Variants in FOXK1 observed in about 807,000 individuals in gnomAD.
The protein encoded by FOXK1 is forkhead box protein K1.
A neutral mutation model predicts 51.9 loss-of-function variants in FOXK1; 19 were observed. That is an observed-to-expected ratio of 0.37 (90% CI 0.26 to 0.54). The LOEUF is 0.54. Ranked by LOEUF, FOXK1 falls within the 20% of genes least tolerant of loss-of-function variation. The probability of loss-of-function intolerance (pLI) is 0.87; values close to 1 mark genes in which losing one functional copy is unlikely to be tolerated. For missense variants in FOXK1, 870 were observed against 1,032.7 expected (o/e 0.84, Z 2.16); for synonymous variants, 537 against 482.6 (o/e 1.11, Z -1.48).
In FOXK1 at chr7:4,761,851, G is replaced by T. The variant is rs927835540; in HGVS notation, c.1922-333G>T. Among the ~76,000 whole-genome samples the T allele has an allele frequency of 3.3e-5, 5 of 152,112 alleles. No homozygotes were observed. The highest frequency in any genetic ancestry group is 1.2e-4 in the African/African-American group (5 of 41,402). ...GCAAGGGTGCTGGGCGGGGGTGCAG[G>T]GTACCAGGGCACCGGGCGCATTGTC... On this transcript the variant is annotated intron_variant, in intron 8 of 8. Coordinates refer to ENST00000328914, the MANE Select transcript of FOXK1 (RefSeq NM_001037165.2). The surrounding 1 kb of genome is among the most constrained non-coding windows in gnomAD (Gnocchi z 6.2).
At chr7:4,690,903 C>T (rs564381219) in intron 1 of FOXK1, among the ~76,000 whole-genome samples, 13 of 152,240 alleles carry the variant, frequency 8.5e-5, no homozygotes, top group Non-Finnish European at 1.3e-4. Flanking sequence ...CATAATTACC[C>T]TACATTTAAA....
chr7:4,733,739 C>T lies in FOXK1; in HGVS notation c.561-7099C>T, dbSNP rs1309477123. Among the ~76,000 whole-genome samples, 1 of 152,250 alleles carries T rather than the reference C, an allele frequency of 6.6e-6. No homozygotes were observed. Among genetic ancestry groups the T allele is most frequent in the Non-Finnish European group, 1.5e-5 (1 of 68,046 alleles). On this transcript the variant is annotated intron_variant, in intron 1 of 8. Transcript: ENST00000328914. This position sits in a 1 kb window ranked among gnomAD's most constrained non-coding sequence, Gnocchi z 5.0. ...GTATCGCTCGTGAAAACCGGCCTGG[C>T]GTCTTCTGGCCCTTGCTCTTGGGTC... is the stretch of plus-strand genomic sequence containing the variant.
chr7:4,719,197 C>T (rs1780277459), intron 1 of FOXK1, among the ~76,000 whole-genome samples: 1 of 151,978 alleles, frequency 6.6e-6, no homozygotes, highest in African/African-American at 2.4e-5. Flanking sequence ...TGCGATGGCA[C>T]AATCATGGCT....
intron 1 of FOXK1, among the ~76,000 whole-genome samples, chr7:4,685,430 G>A (rs1243663227): frequency 6.6e-6 from 1 of 151,418 alleles, no homozygotes; most frequent in Non-Finnish European, 1.5e-5. Context: ...TAGCCAAGAT[G>A]GTCTCGATCT....
intron 1 of FOXK1, among the ~76,000 whole-genome samples, chr7:4,727,949 C>T (rs111915926): frequency 2.8e-3 from 434 of 152,284 alleles, no homozygotes; most frequent in African/African-American, 9.8e-3. Flanking sequence ...CAGTCGGTGG[C>T]GTGTGTTTGC....
In FOXK1 at chr7:4,711,840, G is replaced by A. The variant is rs114277701; in HGVS notation, c.560+28972G>A. Among the ~76,000 whole-genome samples, 613 of 152,240 alleles carry A rather than the reference G, an allele frequency of 4.0e-3. 5 individuals carry two copies. The highest frequency in any genetic ancestry group is 0.014 in the African/African-American group (588 of 41,538). On this transcript the variant is annotated intron_variant, in intron 1 of 8. Coordinates refer to ENST00000328914, the MANE Select transcript of FOXK1 (RefSeq NM_001037165.2). The surrounding 1 kb of genome is among the most constrained non-coding windows in gnomAD (Gnocchi z 6.3). ...AGGTCAGAGAGAAAAGATTGCGGCC[G>A]GCCGGTGTCAAGGCGGGGGACCTGT...
At position 4,759,126 on chromosome 7, in the gene FOXK1, G is replaced by A. The variant is rs113598667; in HGVS notation, c.1320G>A (p.Leu440=). 2.8e-4 allele frequency: 444 copies of A among 1,612,252 alleles called. 5 individuals are homozygous for A. In the African/African-American group the frequency reaches 5.3e-3, roughly 19 times the overall value. ...RSGGLQTPEC[L]SREGSPIPHD... ...GCGGCCTGCAGACCCCAGAGTGCCT[G>A]TCTCGGGAGGGCTCCCCCATTCCAC... The change falls in exon 6 of 9, where the codon CTG becomes CTA. Residue 440 remains leucine (L), a synonymous_variant. Coordinates refer to ENST00000328914, the MANE Select transcript of FOXK1 (RefSeq NM_001037165.2).
chr7:4,731,176 C>A lies in FOXK1; in HGVS notation c.561-9662C>A, dbSNP rs555146180. Among the ~76,000 whole-genome samples the A allele has an allele frequency of 2.0e-5, 3 of 152,170 alleles. No homozygotes were observed. The East Asian group carries it at 5.8e-4, about 29-fold the overall frequency. On this transcript the variant is annotated intron_variant, in intron 1 of 8. Transcript: ENST00000328914. This position sits in a 1 kb window ranked among gnomAD's most constrained non-coding sequence, Gnocchi z 5.3. Reference sequence around the variant, plus strand: ...CTTGCTGGTAGGAGGTGGTGAGGGGCCTCCGAGGTGGTGGGTGAGCATCCC... The same window carrying A: ...CTTGCTGGTAGGAGGTGGTGAGGGGACTCCGAGGTGGTGGGTGAGCATCCC...
intron 2 of FOXK1, among the ~76,000 whole-genome samples, chr7:4,744,460 G>A (rs1027891206): frequency 2.0e-5 from 3 of 152,164 alleles, no homozygotes; most frequent in Admixed American, 6.5e-5. Context: ...TCCTGTTCCC[G>A]GGTACCCACT....
chr7:4,700,631 C>T (rs1583184581), intron 1 of FOXK1, among the ~76,000 whole-genome samples: 1 of 152,096 alleles, frequency 6.6e-6, no homozygotes, highest in East Asian at 1.9e-4. Flanking sequence ...GCCTGGGCAA[C>T]ATGGTGAAAC....
At position 4,703,751 on chromosome 7, in the gene FOXK1, C is replaced by G. The variant is rs965693295; in HGVS notation, c.560+20883C>G. On this transcript the variant is annotated intron_variant, in intron 1 of 8. Transcript: ENST00000328914. The surrounding 1 kb of genome is among the most constrained non-coding windows in gnomAD (Gnocchi z 5.6). ...GAGGCCCTTCAGTGCTCCGGAGGCA[C>G]TTTCAGAGCATCGTGACTAGATAAA... 6.6e-6 allele frequency among the ~76,000 whole-genome samples: 1 copy of G among 152,244 alleles called. No homozygotes were observed. Among genetic ancestry groups the G allele is most frequent in the Non-Finnish European group, 1.5e-5 (1 of 68,022 alleles).
rs1481211731 is a variant in FOXK1, at chr7:4,747,881, T to C, written c.747-6578T>C. Reference sequence around the variant, plus strand: ...TTTGTTTTGAAGCAGGGTCTTGTTCTGACACCCAGGCCGGAGTGCAGTGGT... The same window carrying C: ...TTTGTTTTGAAGCAGGGTCTTGTTCCGACACCCAGGCCGGAGTGCAGTGGT... On this transcript the variant is annotated intron_variant, in intron 2 of 8. Coordinates refer to ENST00000328914, the MANE Select transcript of FOXK1 (RefSeq NM_001037165.2). This position sits in a 1 kb window ranked among gnomAD's most constrained non-coding sequence, Gnocchi z 9.2. Among the ~76,000 whole-genome samples, 2 of 151,910 alleles carry C rather than the reference T, an allele frequency of 1.3e-5. No homozygotes were observed. Among genetic ancestry groups the C allele is most frequent in the Non-Finnish European group, 2.9e-5 (2 of 68,022 alleles).
chr7:4,708,119 C>A (rs551168780), intron 1 of FOXK1, among the ~76,000 whole-genome samples: 1 of 152,122 alleles, frequency 6.6e-6, no homozygotes, highest in Non-Finnish European at 1.5e-5. Context: ...GAACCCGCCC[C>A]GCCCTCCAGG....
At chr7:4,724,184 G>A (rs758661499) in intron 1 of FOXK1, among the ~76,000 whole-genome samples, 34 of 151,844 alleles carry the variant, frequency 2.2e-4, no homozygotes, top group Non-Finnish European at 4.6e-4. Context: ...TTTGTGTTTT[G>A]GGGGTGGTTG....
chr7:4,713,307 G>T (rs544786561), intron 1 of FOXK1, among the ~76,000 whole-genome samples: 8 of 149,652 alleles, frequency 5.3e-5, no homozygotes, highest in Admixed American at 5.3e-4. Flanking sequence ...GGGTTGGGGC[G>T]GGCTGGGATT....
At position 4,761,985 on chromosome 7, in the gene FOXK1, C is replaced by G. The variant is rs1780938508; in HGVS notation, c.1922-199C>G. ...GGGGCCTCCACCCAACAGGCTGGAGCCAGCAGAGACAGGGCAGATGAGGTG... is the reference window on the plus strand; with the variant it reads ...GGGGCCTCCACCCAACAGGCTGGAGGCAGCAGAGACAGGGCAGATGAGGTG... On this transcript the variant is annotated intron_variant, in intron 8 of 8. Coordinates refer to ENST00000328914, the MANE Select transcript of FOXK1 (RefSeq NM_001037165.2). The surrounding 1 kb of genome is among the most constrained non-coding windows in gnomAD (Gnocchi z 6.2). 6.6e-6 allele frequency among the ~76,000 whole-genome samples: 1 copy of G among 152,066 alleles called. No homozygotes were observed. Among genetic ancestry groups the G allele is most frequent in the Admixed American group, 6.5e-5 (1 of 15,276 alleles).
In FOXK1 at chr7:4,758,979, G is replaced by A; in HGVS notation, c.1245-72G>A. The stretch of plus-strand genomic sequence containing the variant: ...TGGGCGGGTGACGGCGCTGAGATGC[G>A]TGATGTCTCGGAAACGTCCTCGCAT... On this transcript the variant is annotated intron_variant, in intron 5 of 8. Coordinates refer to ENST00000328914, the MANE Select transcript of FOXK1 (RefSeq NM_001037165.2). This position sits in a 1 kb window ranked among gnomAD's most constrained non-coding sequence, Gnocchi z 4.4. The A allele has an allele frequency of 2.7e-6, 4 of 1,483,366 alleles. No homozygotes were observed. Among genetic ancestry groups the A allele is most frequent in the Non-Finnish European group, 3.6e-6 (4 of 1,112,278 alleles). The allele number at this position is 1,483,366 out of a possible 1,614,324, so 91.9% of individuals were successfully genotyped here.
chr7:4,706,843 G>A (rs1780108404), intron 1 of FOXK1, among the ~76,000 whole-genome samples: 1 of 152,122 alleles, frequency 6.6e-6, no homozygotes, highest in South Asian at 2.1e-4. Flanking sequence ...CCCGGATGCC[G>A]ACCCCCAATG....
chr7:4,737,044 C>G (rs895224115), intron 1 of FOXK1, among the ~76,000 whole-genome samples: 4 of 152,188 alleles, frequency 2.6e-5, no homozygotes, highest in African/African-American at 7.2e-5. Context: ...CCATGCTCCT[C>G]TTCTGTGCGT....
Sources: gnomAD v4.1 joint callset for allele counts (sites outside exome capture counted in the v4.1 genomes callset) on GRCh38, gnomAD v4.1.1 for gene constraint, Gnocchi (gnomAD v3.1) non-coding constraint, MANE v1.5 for transcripts, NCBI Gene and HGNC (gene_info 2026-07-23, HGNC 2026-07-21) for gene names.